NTM: variants seen among roughly 807,000 people sequenced by gnomAD.
NTM encodes IgLON family member 2.
A neutral mutation model predicts 42.1 loss-of-function variants in NTM; 13 were observed. The ratio of observed to expected loss-of-function variants is 0.31; its 90% CI spans 0.20 to 0.49. The LOEUF is 0.49. Among genes scored for constraint, NTM ranks in the 20% least tolerant of loss-of-function variants. NTM has a pLI of 0.99. For synonymous variants in NTM, 187 were observed against 179.2 expected (o/e 1.04, Z -0.35); for missense variants, 373 against 452.8 (o/e 0.82, Z 1.60).
At chr11:132,006,259 C>T (rs950928207) in intron 2 of NTM, among the ~76,000 whole-genome samples, 5 of 151,958 alleles carry the variant, frequency 3.3e-5, no homozygotes, top group Admixed American at 2.0e-4. Flanking sequence ...TCAAAAATGG[C>T]GAGAAAGCTT....
intron 1 of NTM, among the ~76,000 whole-genome samples, chr11:131,680,929 A>G (rs376027138): frequency 3.7e-5 from 1 of 27,096 alleles, no homozygotes; most frequent in African/African-American, 1.2e-4. Flanking sequence ...CTGTGTCTGT[A>G]TGTCTCCCTG....
At chr11:131,902,069 C>T (rs965513664) in intron 1 of NTM, among the ~76,000 whole-genome samples, 6 of 152,160 alleles carry the variant, frequency 3.9e-5, no homozygotes, top group Admixed American at 1.3e-4. Flanking sequence ...CCTGAACTCA[C>T]GATGGTAATG....
At chr11:131,569,081 G>A (rs541869190) in intron 1 of NTM, among the ~76,000 whole-genome samples, 23 of 151,854 alleles carry the variant, frequency 1.5e-4, no homozygotes, top group African/African-American at 4.1e-4. Context: ...GAATCCTACC[G>A]TTGCTCCAGT....
At chr11:131,702,125 G>A (rs2076137915) in intron 1 of NTM, among the ~76,000 whole-genome samples, 1 of 151,968 alleles carries the variant, frequency 6.6e-6, no homozygotes, top group African/African-American at 2.4e-5. Context: ...TACTCAACTT[G>A]GACATTGGGA....
Position 131,844,835 on chromosome 11 carries a change from TCA to T in NTM, c.83-66726_83-66725del, listed in dbSNP as rs59194574. Among the ~76,000 whole-genome samples, 259 of 152,300 alleles carry T rather than the reference TCA, an allele frequency of 1.7e-3. 1 individual carries two copies. Among genetic ancestry groups the T allele is most frequent in the African/African-American group, 5.9e-3 (245 of 41,564 alleles). On this transcript the variant is annotated intron_variant, in intron 1 of 8. Coordinates refer to ENST00000683400, the MANE Select transcript of NTM (RefSeq NM_001352005.2). ...CTTATATTCAGCAACTTTTCTAAAC[TCA>T]CATATTAATTCTAATTAATCATTAG...
chr11:131,843,702 C>T (rs1343683411), intron 1 of NTM, among the ~76,000 whole-genome samples: 1 of 152,242 alleles, frequency 6.6e-6, no homozygotes. Flanking sequence ...AGACTGCATG[C>T]GAATAGGCAA....
chr11:131,565,016 G>A lies in NTM; in HGVS notation c.82+194128G>A, dbSNP rs531346186. On this transcript the variant is annotated intron_variant, in intron 1 of 8. Transcript: ENST00000683400. ...ACCGCCATGCGGTATGGGACAGGAC[G>A]ACATACTCCTTCTTTGGTCCTTCTC... 2.0e-5 allele frequency among the ~76,000 whole-genome samples: 3 copies of A among 152,330 alleles called. No individual in the cohort carries two copies. The South Asian group carries it at 6.2e-4, about 32-fold the overall frequency.
intron 1 of NTM, among the ~76,000 whole-genome samples, chr11:131,858,045 A>G (rs1027360756): frequency 1.4e-5 from 2 of 141,850 alleles, no homozygotes; most frequent in Non-Finnish European, 3.1e-5. Context: ...CGCCCCGCCC[A>G]TGCCTCACCC....
At chr11:132,017,479 G>A (rs991796020) in intron 2 of NTM, among the ~76,000 whole-genome samples, 3 of 151,812 alleles carry the variant, frequency 2.0e-5, no homozygotes, top group Non-Finnish European at 4.4e-5. Flanking sequence ...CCTGTGAATG[G>A]GATTAATTTT....
At chr11:131,557,003 G>C (rs1454949924) in intron 1 of NTM, among the ~76,000 whole-genome samples, 1 of 152,024 alleles carries the variant, frequency 6.6e-6, no homozygotes, top group Non-Finnish European at 1.5e-5. Context: ...GTGCATGCGT[G>C]TGTGTTTGTG....
At chr11:131,538,959 G>C (rs926757079) in intron 1 of NTM, 2 of 118,698 alleles carry the variant, frequency 1.7e-5, no homozygotes, top group Admixed American at 1.1e-4. Flanking sequence ...TTGAGAAAAG[G>C]TCTTGCTCTG....
rs557040315 is a variant in NTM at position 132,170,555 on chromosome 11, G to C, written c.400+24041G>C. Among the ~76,000 whole-genome samples, 386 of 152,286 alleles carry C rather than the reference G, an allele frequency of 2.5e-3. 1 individual carries two copies. The highest frequency in any genetic ancestry group is 9.0e-3 in the African/African-American group (373 of 41,546). On this transcript the variant is annotated intron_variant, in intron 3 of 8. Coordinates refer to ENST00000683400, the MANE Select transcript of NTM (RefSeq NM_001352005.2). ...AAAAAAGTCCTTGGCATTTAATTAAGAGCTATGAATTTTGAATCTTACTGT... is the reference window on the plus strand; with the variant it reads ...AAAAAAGTCCTTGGCATTTAATTAACAGCTATGAATTTTGAATCTTACTGT...
intron 2 of NTM, among the ~76,000 whole-genome samples, chr11:131,963,670 G>A (rs145887542): frequency 1.0e-3 from 153 of 152,288 alleles, no homozygotes; most frequent in Non-Finnish European, 1.6e-3. Context: ...CCAGGCTCTG[G>A]AATAGGCACA....
chr11:131,958,010 ATTG>A (rs2061737942), intron 2 of NTM, among the ~76,000 whole-genome samples: 2 of 152,188 alleles, frequency 1.3e-5, no homozygotes, highest in African/African-American at 4.8e-5. Flanking sequence ...TGCTTTTCTG[ATTG>A]GTGCCATAAA....
intron 2 of NTM, among the ~76,000 whole-genome samples, chr11:132,070,957 C>T (rs2057530306): frequency 7.0e-6 from 1 of 142,110 alleles, no homozygotes; most frequent in African/African-American, 2.6e-5. Context: ...GTCAAACTGA[C>T]CGTCACAGGT....
chr11:131,923,938 T>C (rs375910648), intron 2 of NTM, among the ~76,000 whole-genome samples: 9 of 152,286 alleles, frequency 5.9e-5, no homozygotes, highest in African/African-American at 1.9e-4. Flanking sequence ...TTTATCATCA[T>C]TTGAAGGGAC....
intron 1 of NTM, among the ~76,000 whole-genome samples, chr11:131,491,738 TAAGAC>T (rs1180968146): frequency 6.6e-6 from 1 of 152,148 alleles, no homozygotes; most frequent in Non-Finnish European, 1.5e-5. Context: ...CAGAGCGAGA[TAAGAC>T]AAGATGAGGA....
At chr11:131,554,653 A>G (rs2055159403) in intron 1 of NTM, among the ~76,000 whole-genome samples, 1 of 152,058 alleles carries the variant, frequency 6.6e-6, no homozygotes, top group Non-Finnish European at 1.5e-5. Context: ...CTGCCATCTC[A>G]GATAATTCAC....
intron 1 of NTM, among the ~76,000 whole-genome samples, chr11:131,529,605 G>A (rs971225344): frequency 4.6e-5 from 7 of 152,072 alleles, no homozygotes; most frequent in African/African-American, 1.2e-4. Flanking sequence ...ACTTTAACAC[G>A]CACCAACTGA....
Sources: gnomAD v4.1 joint callset for allele counts (sites outside exome capture counted in the v4.1 genomes callset) on GRCh38, gnomAD v4.1.1 for gene constraint, MANE v1.5 for transcripts, NCBI Gene and HGNC (gene_info 2026-07-23, HGNC 2026-07-21) for gene names.